Variants in RORC observed in about 807,000 individuals in gnomAD.
RORC encodes RAR related orphan receptor C.
Under a neutral mutation model 64.5 loss-of-function variants are expected in RORC, and 13 were observed. The ratio of observed to expected loss-of-function variants is 0.20; its 90% CI spans 0.13 to 0.32. The LOEUF (loss-of-function observed/expected upper bound fraction) is 0.32, where lower values mean the gene tolerates loss of function less well. RORC is among the 10% of genes least tolerant of loss of function. The pLI is 1.00. For synonymous variants in RORC, 277 were observed against 259.3 expected (o/e 1.07, Z -0.65); for missense variants, 468 against 669.5 (o/e 0.70, Z 3.32).
intron 2 of RORC, 130 bp from the exon 3 acceptor site, chr1:151,817,410 C>T: frequency 1.5e-6 from 1 of 657,880 alleles, no homozygotes; most frequent in Admixed American, 2.4e-5. Context: ...TTGCTGTTTC[C>T]CTCTTGCAAA....
intron 2 of RORC, among the ~76,000 whole-genome samples, chr1:151,817,846 G>A (rs1163262972): frequency 6.6e-6 from 1 of 152,234 alleles, no homozygotes; most frequent in African/African-American, 2.4e-5. Context: ...TGGCAGGGAG[G>A]AACCCAGGAA....
chr1:151,826,782 A>G (rs1378174109), intron 2 of RORC, among the ~76,000 whole-genome samples: 1 of 152,194 alleles, frequency 6.6e-6, no homozygotes, highest in African/African-American at 2.4e-5. Context: ...TGTGTCAGAA[A>G]TGGTTCTCGA....
chr1:151,813,782 C>T (rs1651635846), intron 6 of RORC, 162 bp from the exon 7 acceptor site: 1 of 760,532 alleles, frequency 1.3e-6, no homozygotes, highest in African/African-American at 1.8e-5. Context: ...TGCACAGATT[C>T]CTGCCAGTGA....
intron 1 of RORC, 90 bp downstream of exon 1, chr1:151,831,635 T>G (rs943522847): frequency 6.2e-7 from 1 of 1,605,382 alleles, no homozygotes; most frequent in Non-Finnish European, 8.5e-7. Context: ...CCTCCCCTCC[T>G]CACTTCTTGC....
chr1:151,825,836 G>A, intron 2 of RORC: 1 of 1,488,064 alleles, frequency 6.7e-7, no homozygotes, highest in South Asian at 1.1e-5. Flanking sequence ...GCTTTGCTCA[G>A]ATTTGCTCAC....
Position 151,813,614 on chromosome 1 carries a change from A to C in RORC, c.940T>G (p.Trp314Gly), listed in dbSNP as rs1651628750. ...EVTGYQRKSM[W>G]EMWERCAHHL... ...TGGGCACACCGTTCCCACATCTCCCACATGGACTGCAGGGAGGGAGGAGGG... is the reference window on the plus strand; with the variant it reads ...TGGGCACACCGTTCCCACATCTCCCCCATGGACTGCAGGGAGGGAGGAGGG... Residue 314 changes from tryptophan to glycine, a missense_variant, in exon 7 of 11, where the codon TGG becomes GGG. By Grantham distance (184) the Trp-to-Gly change is radical. Coordinates refer to ENST00000318247, the MANE Select transcript of RORC (RefSeq NM_005060.4). The C allele has an allele frequency of 6.2e-7, 1 of 1,614,076 alleles. No individual in the cohort carries two copies. Among genetic ancestry groups the C allele is most frequent in the Non-Finnish European group, 8.5e-7 (1 of 1,180,032 alleles).
chr1:151,817,981 G>A (rs1651835717), intron 2 of RORC, among the ~76,000 whole-genome samples: 1 of 152,260 alleles, frequency 6.6e-6, no homozygotes, highest in Non-Finnish European at 1.5e-5. Context: ...GTGTGTCTGA[G>A]TGTGAACACT....
rs767131651 is a variant in RORC, at chr1:151,813,266, C to A, written c.1147G>T (p.Gly383Cys). 6.2e-7 allele frequency: 1 copy of A among 1,614,098 alleles called. No individual in the cohort carries two copies. Among genetic ancestry groups the A allele is most frequent in the South Asian group, 1.1e-5 (1 of 91,080 alleles). ...NRTVFFEGKY[G>C]GMELFRALGC... ...AAGGCTCGGAACAGCTCCATGCCAC[C>A]GTATTTGCCTTCAAAAAAGACCGTG... The change falls in exon 8 of 11, where the codon GGT becomes TGT. Residue 383 changes from glycine (G) to cysteine (C), a missense_variant. Transcript: ENST00000318247.
chr1:151,825,972 T>C (rs374625758), intron 2 of RORC: 1 of 1,612,200 alleles, frequency 6.2e-7, no homozygotes, highest in Non-Finnish European at 8.5e-7. Flanking sequence ...TGGCTCCCTG[T>C]CCTTCTCAGC....
intron 7 of RORC, 33 bp from the exon 8 acceptor site, chr1:151,813,379 T>C (rs1469518463): frequency 6.2e-7 from 1 of 1,609,048 alleles, no homozygotes; most frequent in Admixed American, 1.7e-5. Context: ...GCAGGGACAG[T>C]GTCAAGCAAA....
intron 2 of RORC, among the ~76,000 whole-genome samples, chr1:151,823,714 C>T (rs1652082938): frequency 6.6e-6 from 1 of 152,188 alleles, no homozygotes; most frequent in African/African-American, 2.4e-5. Flanking sequence ...GATCATAGCT[C>T]ACTGCAGCCT....
intron 2 of RORC, among the ~76,000 whole-genome samples, chr1:151,828,796 T>C (rs895122347): frequency 1.1e-4 from 16 of 152,120 alleles, no homozygotes; most frequent in South Asian, 4.2e-4. Context: ...CTGACCAACA[T>C]GGTGAAACCC....
Position 151,816,916 on chromosome 1 carries a change from C to A in RORC, c.157-111G>T, listed in dbSNP as rs1353002410. On this transcript the variant is annotated intron_variant, in intron 3 of 10. Transcript: ENST00000318247. ...AGCTTTTCTACATCCCACGACCTGT[C>A]AGTTTTCTCTCTCCTCCATCTATTT... 3.4e-6 allele frequency: 4 copies of A among 1,168,170 alleles called. No individual in the cohort carries two copies. In the African/African-American group the frequency reaches 6.3e-5, roughly 18 times the overall value. The allele number at this position is 1,168,170 out of a possible 1,614,324, so 72.4% of individuals were successfully genotyped here.
At chr1:151,818,629 C>G (rs1651865754) in intron 2 of RORC, among the ~76,000 whole-genome samples, 1 of 152,174 alleles carries the variant, frequency 6.6e-6, no homozygotes, top group Non-Finnish European at 1.5e-5. Flanking sequence ...GTCTCTTTTC[C>G]ACCATCACTG....
At chr1:151,815,833 C>A (rs1651734812) in intron 4 of RORC, among the ~76,000 whole-genome samples, 2 of 152,182 alleles carry the variant, frequency 1.3e-5, no homozygotes, top group African/African-American at 4.8e-5. Flanking sequence ...GAACACAGGT[C>A]TCCCTGTGGT....
chr1:151,829,391 T>G (rs1652321502), intron 2 of RORC, 38 bp downstream of exon 2: 1 of 1,533,324 alleles, frequency 6.5e-7, no homozygotes, highest in Non-Finnish European at 8.7e-7. Flanking sequence ...CATCTCATTA[T>G]GCCCCAGCCA....
rs1263856425 is a variant in RORC, at chr1:151,807,956, TG to T, written c.1396-324del. 6.6e-6 allele frequency among the ~76,000 whole-genome samples: 1 copy of T among 152,236 alleles called. No individual in the cohort carries two copies. Among genetic ancestry groups the T allele is most frequent in the African/African-American group, 2.4e-5 (1 of 41,450 alleles). ...AAGAGTGATTGTCTGTGACTCTTGT[TG>T]TATGCTGTCACATGCCTCTGCCTTT... On this transcript the variant is annotated intron_variant, in intron 10 of 10. Coordinates refer to ENST00000318247, the MANE Select transcript of RORC (RefSeq NM_005060.4). The surrounding 1 kb of genome is among the most constrained non-coding windows in gnomAD (Gnocchi z 5.0).
rs1387446987 is a variant in RORC, at chr1:151,830,675, C to A, written c.40+1050G>T. ...ACACACACACACAGTGCCCTTCTGC[C>A]CGGGAGATGCTCCCCACTGGCAGGC... On this transcript the variant is annotated intron_variant, in intron 1 of 10. Coordinates refer to ENST00000318247, the MANE Select transcript of RORC (RefSeq NM_005060.4). The surrounding 1 kb of genome is among the most constrained non-coding windows in gnomAD (Gnocchi z 4.0). Among the ~76,000 whole-genome samples the A allele has an allele frequency of 8.1e-6, 1 of 123,210 alleles. No homozygotes were observed. Among genetic ancestry groups the A allele is most frequent in the Non-Finnish European group, 1.9e-5 (1 of 53,184 alleles). The allele number at this position is 123,210 out of a possible 152,430, so 80.8% of individuals were successfully genotyped here. A position where few individuals can be genotyped will look rare whatever the true frequency, so the allele number is the denominator to read the frequency against.
At chr1:151,829,504 G>A in intron 1 of RORC, 46 bp from the exon 2 acceptor site, 2 of 1,463,216 alleles carry the variant, frequency 1.4e-6, no homozygotes, top group Non-Finnish European at 1.8e-6. Context: ...TGAAGATCAT[G>A]AGGGGCTGAG....
Sources: allele counts gnomAD v4.1 joint callset (sites outside exome capture counted in the v4.1 genomes callset), GRCh38; gene constraint gnomAD v4.1.1; non-coding constraint Gnocchi (gnomAD v3.1); transcripts MANE v1.5; gene names NCBI Gene and HGNC (gene_info 2026-07-23, HGNC 2026-07-21).